The following KDM4B variants were observed in gnomAD, a reference collection of about 807,000 sequenced individuals.
KDM4B encodes the protein lysine-specific demethylase 4B.
A neutral mutation model predicts 125.2 loss-of-function variants in KDM4B; 32 were observed. The ratio of observed to expected loss-of-function variants is 0.26; its 90% confidence interval spans 0.19 to 0.34. The LOEUF is 0.34. KDM4B is among the 10% of genes least tolerant of loss of function. KDM4B has a pLI of 1.00. For missense variants in KDM4B, 1,190 were observed against 1,577.7 expected, an observed-to-expected ratio of 0.75 and a Z score of 4.16; for synonymous variants, 721 against 677.9, an observed-to-expected ratio of 1.06 and a Z score of -0.99.
At chr19:5,088,522 A>G (rs1479272027) in intron 9 of KDM4B, among the ~76,000 whole-genome samples, 2 of 152,064 alleles carry the variant, frequency 1.3e-5, no homozygotes, top group Non-Finnish European at 2.9e-5. Context: ...CCCTGCCCAC[A>G]GCTCCACCCG....
At chr19:5,065,013 G>T (rs1277354004) in intron 6 of KDM4B, among the ~76,000 whole-genome samples, 1 of 152,256 alleles carries the variant, frequency 6.6e-6, no homozygotes, top group Non-Finnish European at 1.5e-5. Context: ...CTCCGCCTCG[G>T]GTTCCGAGGT....
chr19:5,128,462 G>T (rs1182093583), intron 11 of KDM4B, among the ~76,000 whole-genome samples: 2 of 152,344 alleles, frequency 1.3e-5, no homozygotes, highest in Admixed American at 6.5e-5. Context: ...CCCCGGTGAG[G>T]CTGGATGGGC....
At chr19:5,071,090 C>G in intron 7 of KDM4B, 31 bp downstream of exon 7, 12 of 1,607,942 alleles carry the variant, frequency 7.5e-6, no homozygotes, top group Non-Finnish European at 1.0e-5. Context: ...CCCCAGGGAC[C>G]TGGGACCAGG....
At chr19:5,003,192 T>C (rs2035446817) in intron 1 of KDM4B, among the ~76,000 whole-genome samples, 1 of 152,132 alleles carries the variant, frequency 6.6e-6, no homozygotes. Flanking sequence ...CTCCATTGAT[T>C]AAAAAAATCC....
intron 3 of KDM4B, 25 bp downstream of exon 3, chr19:5,033,056 C>T (rs369937810): frequency 7.4e-5 from 119 of 1,609,212 alleles, no homozygotes; most frequent in Middle Eastern, 1.7e-4. Context: ...GGCCCCAGCG[C>T]GGCCCTCCAT....
chr19:5,039,745 G>A (rs2145658074), intron 3 of KDM4B, 91 bp from the exon 4 acceptor site: 5 of 1,425,730 alleles, frequency 3.5e-6, no homozygotes, highest in Non-Finnish European at 3.9e-6. Flanking sequence ...CTTGGGGGGT[G>A]CTGGTCTCTG....
intron 1 of KDM4B, among the ~76,000 whole-genome samples, chr19:4,978,620 G>A (rs1011217822): frequency 6.6e-6 from 1 of 151,964 alleles, no homozygotes. Context: ...TCTAGCCACG[G>A]GTGTCCTGCG....
intron 1 of KDM4B, among the ~76,000 whole-genome samples, chr19:4,996,653 ACAGT>A (rs1324266706): frequency 2.0e-5 from 3 of 150,610 alleles, no homozygotes; most frequent in African/African-American, 7.5e-5. Context: ...GTGCCCCTGC[ACAGT>A]CATTGTGGGA....
chr19:5,049,542 G>C (rs2037151200), intron 6 of KDM4B, among the ~76,000 whole-genome samples: 1 of 152,036 alleles, frequency 6.6e-6, no homozygotes, highest in African/African-American at 2.4e-5. Context: ...CCACAGTGTA[G>C]GCTCTAGCTG....
At position 5,056,295 on chromosome 19, in the gene KDM4B, A is replaced by G. The variant is rs149871383; in HGVS notation, c.626+8626A>G. On this transcript the variant is annotated intron_variant, in intron 6 of 22. Transcript: ENST00000159111. ...GTCACTGCTGATGTTGGCCCTGGTC[A>G]CCCGGCTTGGGTGTGGATGTCCAGT... 7.3e-3 allele frequency among the ~76,000 whole-genome samples: 1,104 copies of G among 151,914 alleles called. 8 individuals are homozygous for G. Among genetic ancestry groups the G allele is most frequent in the Admixed American group, 0.012 (186 of 15,254 alleles).
At chr19:4,984,498 G>T (rs2034759752) in intron 1 of KDM4B, among the ~76,000 whole-genome samples, 1 of 152,084 alleles carries the variant, frequency 6.6e-6, no homozygotes, top group Non-Finnish European at 1.5e-5. Context: ...CAGGCGTGGG[G>T]GTTTCTGGGG....
At chr19:5,030,318 C>G (rs752221476) in intron 2 of KDM4B, among the ~76,000 whole-genome samples, 5 of 152,212 alleles carry the variant, frequency 3.3e-5, no homozygotes, top group Non-Finnish European at 5.9e-5. Flanking sequence ...CTTGGGCCGT[C>G]CAGCCCTGCC....
chr19:5,151,368 T>A lies in KDM4B; in HGVS notation c.3148T>A (p.Phe1050Ile). ...CACGGGGGCACCGCAGGAGCCCGCCTTCTCGGGGGAGGAGGCCAAGGCCGC... is the reference window on the plus strand; with the variant it reads ...CACGGGGGCACCGCAGGAGCCCGCCATCTCGGGGGAGGAGGCCAAGGCCGC... ...LSTGAPQEPA[F>I]SGEEAKAAKR... Residue 1050 changes from phenylalanine (F) to isoleucine (I), a missense_variant, in exon 23 of 23, where the codon TTC (phenylalanine) becomes ATC (isoleucine). By Grantham distance (21) the Phe-to-Ile change is conservative. Transcript: ENST00000159111. 2 of 1,585,180 alleles carry A rather than the reference T, an allele frequency of 1.3e-6. No homozygotes were observed. The highest frequency in any genetic ancestry group is 8.6e-7 in the Non-Finnish European group (1 of 1,167,662).
At chr19:5,103,511 C>A (rs935568462) in intron 9 of KDM4B, among the ~76,000 whole-genome samples, 1 of 152,134 alleles carries the variant, frequency 6.6e-6, no homozygotes, top group Non-Finnish European at 1.5e-5. Flanking sequence ...AGGTGACGGC[C>A]GCACTGCTTC....
At chr19:5,046,445 C>T (rs922035606) in intron 5 of KDM4B, among the ~76,000 whole-genome samples, 1 of 152,232 alleles carries the variant, frequency 6.6e-6, no homozygotes, top group Non-Finnish European at 1.5e-5. Context: ...TGCAAAGGAA[C>T]CGCTGGTCTT....
chr19:5,120,832 T>A (rs2039347075), intron 11 of KDM4B, among the ~76,000 whole-genome samples: 1 of 152,142 alleles, frequency 6.6e-6, no homozygotes, highest in Non-Finnish European at 1.5e-5. Flanking sequence ...CTGGCCAGCC[T>A]GCCTCCCACC....
intron 4 of KDM4B, among the ~76,000 whole-genome samples, 174 bp from the exon 5 acceptor site, chr19:5,040,963 G>A (rs920220688): frequency 4.6e-5 from 7 of 152,234 alleles, no homozygotes; most frequent in African/African-American, 7.2e-5. Flanking sequence ...GCCCGTGGAA[G>A]TGCGCTGTCC....
At chr19:5,015,572 C>T (rs961808465) in intron 1 of KDM4B, among the ~76,000 whole-genome samples, 20 of 152,132 alleles carry the variant, frequency 1.3e-4, no homozygotes, top group South Asian at 2.1e-4. Context: ...TGATATTGGC[C>T]GGCGTGGTGG....
At chr19:5,077,623 C>G in intron 8 of KDM4B, 153 bp downstream of exon 8, 1 of 623,934 alleles carries the variant, frequency 1.6e-6, no homozygotes, top group Non-Finnish European at 2.8e-6. Flanking sequence ...CATGGCTCAG[C>G]AGTTAGCCTC....
Sources: gnomAD v4.1 joint callset for allele counts (sites outside exome capture counted in the v4.1 genomes callset) on GRCh38, gnomAD v4.1.1 for gene constraint, MANE v1.5 for transcripts, NCBI Gene and HGNC (gene_info 2026-07-23, HGNC 2026-07-21) for gene names.